HEPACAM: variants seen among roughly 807,000 people sequenced by gnomAD.
The protein encoded by HEPACAM is hepatocyte cell adhesion molecule.
In HEPACAM, 18 loss-of-function variants were observed where a neutral mutation model predicts 38.3. The observed-to-expected ratio is 0.47, with a 90% CI of 0.33 to 0.70. HEPACAM has a LOEUF of 0.70. Among genes scored for constraint, HEPACAM ranks in the 30% least tolerant of loss-of-function variants. HEPACAM has a pLI of 0.03. For missense variants in HEPACAM, 466 were observed against 563.0 expected (o/e 0.83, Z 1.74); for synonymous variants, 216 against 243.1 (o/e 0.89, Z 1.04).
At chr11:124,926,569 C>T (rs1010504711) in intron 1 of HEPACAM, among the ~76,000 whole-genome samples, 5 of 152,144 alleles carry the variant, frequency 3.3e-5, no homozygotes, top group African/African-American at 1.2e-4. Flanking sequence ...AGCAATCCAA[C>T]CACCCGAAGG....
At chr11:124,925,282 G>A (rs567097056) in intron 1 of HEPACAM, among the ~76,000 whole-genome samples, 4 of 152,314 alleles carry the variant, frequency 2.6e-5, no homozygotes, top group African/African-American at 9.6e-5. Context: ...CCATCTCATG[G>A]CCTTCAATGC....
At position 124,921,021 on chromosome 11, in the gene HEPACAM, GC is replaced by G. The variant is rs886047930; in HGVS notation, c.*116del. The G allele has an allele frequency of 3.4e-5, 48 of 1,395,880 alleles. No homozygotes were observed. The Admixed American group carries it at 4.8e-4, about 14-fold the overall frequency. The allele number at this position is 1,395,880 out of a possible 1,614,324, so 86.5% of individuals were successfully genotyped here. On this transcript the variant is annotated 3_prime_UTR_variant, in exon 7 of 7. Coordinates refer to ENST00000298251, the MANE Select transcript of HEPACAM (RefSeq NM_152722.5). This position sits in a 1 kb window ranked among gnomAD's most constrained non-coding sequence, Gnocchi z 4.6. ...ACACGTTCACACCCGAGACACCAGC[GC>G]CCCCCCGGGACCTCCCCTCGTCCCC...
At position 124,924,809 on chromosome 11, in the gene HEPACAM, C is replaced by T. The variant is rs201691514; in HGVS notation, c.346G>A (p.Asp116Asn). The change falls in exon 2 of 7, where the codon GAT (aspartate) becomes AAT (asparagine). Residue 116 changes from aspartate (D) to asparagine (N), a missense_variant. Coordinates refer to ENST00000298251, the MANE Select transcript of HEPACAM (RefSeq NM_152722.5). This position sits in a 1 kb window ranked among gnomAD's most constrained non-coding sequence, Gnocchi z 4.4. Reference sequence around the variant, plus strand: ...ATCTCGACCTCATAGGTGCCCTCATCGGCCAGCTGCAGGTCGCTGAGAAGC... The same window carrying T: ...ATCTCGACCTCATAGGTGCCCTCATTGGCCAGCTGCAGGTCGCTGAGAAGC... ...SLLLSDLQLA[D>N]EGTYEVEISI... The T allele has an allele frequency of 1.2e-6, 2 of 1,614,122 alleles. No individual in the cohort carries two copies. The highest frequency in any genetic ancestry group is 1.7e-6 in the Non-Finnish European group (2 of 1,180,024).
At chr11:124,922,494 T>G (rs1591547813) in intron 5 of HEPACAM, 36 bp from the exon 6 acceptor site, 1 of 1,609,716 alleles carries the variant, frequency 6.2e-7, no homozygotes, top group Non-Finnish European at 8.5e-7. Context: ...CTGGCCCAGG[T>G]ACAGACTCTC....
Position 124,927,025 on chromosome 11 carries a change from C to T in HEPACAM, c.86-1956G>A, listed in dbSNP as rs1014588793. Among the ~76,000 whole-genome samples the T allele has an allele frequency of 8.5e-5, 13 of 152,182 alleles. No individual in the cohort carries two copies. In the East Asian group the frequency reaches 9.7e-4, roughly 11 times the overall value. On this transcript the variant is annotated intron_variant, in intron 1 of 6. Transcript: ENST00000298251. Reference sequence around the variant, plus strand: ...CTGAGATTACAGGCGCCCGCCACCACGCCCGGCCAATTTTTTTGTATTTTT... The same window carrying T: ...CTGAGATTACAGGCGCCCGCCACCATGCCCGGCCAATTTTTTTGTATTTTT...
chr11:124,927,087 G>T (rs1201499476), intron 1 of HEPACAM, among the ~76,000 whole-genome samples: 1 of 152,102 alleles, frequency 6.6e-6, no homozygotes, highest in Non-Finnish European at 1.5e-5. Context: ...AGCCAGGATG[G>T]TGTCAATCTC....
chr11:124,932,294 A>G (rs1947289510), intron 1 of HEPACAM, among the ~76,000 whole-genome samples: 1 of 152,216 alleles, frequency 6.6e-6, no homozygotes, highest in Admixed American at 6.5e-5. Flanking sequence ...GAACCCAGGT[A>G]AGAGACTTGT....
At position 124,923,937 on chromosome 11, in the gene HEPACAM, G is replaced by A. The variant is rs1313406409; in HGVS notation, c.501C>T (p.Asn167=). Residue 167 remains asparagine, a synonymous_variant, in exon 3 of 7, where the codon AAC becomes AAT. Transcript: ENST00000298251. The stretch of plus-strand genomic sequence containing the variant: ...GCTTGGTGCCATTCTCATGTGAGCA[G>A]TTCAAGGTGAAGGCCTCGCTGAGCT... ...VLELSEAFTL[N]CSHENGTKPS... 3.1e-6 allele frequency: 5 copies of A among 1,612,884 alleles called. No individual in the cohort carries two copies. Among genetic ancestry groups the A allele is most frequent in the African/African-American group, 2.7e-5 (2 of 74,934 alleles).
chr11:124,927,998 A>C (rs1401851735), intron 1 of HEPACAM, among the ~76,000 whole-genome samples: 1 of 152,196 alleles, frequency 6.6e-6, no homozygotes, highest in African/African-American at 2.4e-5. Flanking sequence ...CAAAAATCTT[A>C]ATTTGGGGCA....
chr11:124,924,571 C>G lies in HEPACAM; in HGVS notation c.427+157G>C. The G allele has an allele frequency of 1.3e-6, 1 of 760,912 alleles. No individual in the cohort carries two copies. Among genetic ancestry groups the G allele is most frequent in the Non-Finnish European group, 2.4e-6 (1 of 417,440 alleles). 47.1% of individuals were successfully genotyped at this position (760,912 alleles called of 1,614,324 possible). A position where few individuals can be genotyped will look rare whatever the true frequency, so the allele number is the denominator to read the frequency against. On this transcript the variant is annotated intron_variant, in intron 2 of 6. Transcript: ENST00000298251. This position sits in a 1 kb window ranked among gnomAD's most constrained non-coding sequence, Gnocchi z 4.4. ...GCAATCACTCTACATGTTAGCTGTG[C>G]TGTGCCTGTCTGCCAACTTCTAATG...
chr11:124,935,910 C>T lies in HEPACAM; in HGVS notation c.85+12G>A. ...CTTTCTTCAGACCCTTTCTTACCCT[C>T]TGGCCTCCTACCTGTCTGGATCAGA... On this transcript the variant is annotated intron_variant, in intron 1 of 6. Transcript: ENST00000298251. 1 of 1,613,368 alleles carries T rather than the reference C, an allele frequency of 6.2e-7. No individual in the cohort carries two copies. Among genetic ancestry groups the T allele is most frequent in the Non-Finnish European group, 8.5e-7 (1 of 1,179,350 alleles).
intron 1 of HEPACAM, among the ~76,000 whole-genome samples, chr11:124,933,970 C>T (rs1054316999): frequency 6.6e-6 from 1 of 152,088 alleles, no homozygotes; most frequent in Non-Finnish European, 1.5e-5. Context: ...CATTTTCATC[C>T]CACGTTTTTC....
Position 124,922,812 on chromosome 11 carries a change from C to G in HEPACAM, c.810G>C (p.Gln270His). Residue 270 changes from glutamine (Q) to histidine (H), a missense_variant, in exon 5 of 7, where the codon CAG becomes CAC. Physicochemically the swap from Gln to His is conservative, Grantham distance 24 (BLOSUM62 0). Coordinates refer to ENST00000298251, the MANE Select transcript of HEPACAM (RefSeq NM_152722.5). ...GGGAGTTTTGCTTTTCTAGCTTCTT[C>G]TGTTTCCTGTGAATCAATTCAGCCC... ...CACWKPSKRK[Q>H]KKLEKQNSLE... 6.2e-7 allele frequency: 1 copy of G among 1,614,196 alleles called. No individual in the cohort carries two copies. The highest frequency in any genetic ancestry group is 8.5e-7 in the Non-Finnish European group (1 of 1,180,020).
intron 1 of HEPACAM, among the ~76,000 whole-genome samples, chr11:124,931,703 A>G (rs1237907660): frequency 1.3e-5 from 2 of 152,214 alleles, no homozygotes; most frequent in Non-Finnish European, 2.9e-5. Flanking sequence ...TAATTAAGCA[A>G]TTCTACTCCT....
At chr11:124,925,233 T>C (rs756156537) in intron 1 of HEPACAM, among the ~76,000 whole-genome samples, 164 bp from the exon 2 acceptor site, 21 of 152,348 alleles carry the variant, frequency 1.4e-4, no homozygotes, top group Non-Finnish European at 2.4e-4. Flanking sequence ...TCCCCCACAG[T>C]AGCTCTGTGC....
At chr11:124,935,495 C>T (rs1278477868) in intron 1 of HEPACAM, among the ~76,000 whole-genome samples, 3 of 152,158 alleles carry the variant, frequency 2.0e-5, no homozygotes, top group Non-Finnish European at 2.9e-5. Flanking sequence ...CTTCTTTCAT[C>T]TGCCTTACTC....
Position 124,926,253 on chromosome 11 carries a change from C to A in HEPACAM, c.86-1184G>T, listed in dbSNP as rs140677660. Among the ~76,000 whole-genome samples the A allele has an allele frequency of 2.5e-4, 38 of 152,254 alleles. No individual in the cohort carries two copies. The East Asian group carries it at 6.7e-3, about 27-fold the overall frequency. ...AACAGCAACTGCCTTATCAAGTTCA[C>A]AGGATTGGAAAGTACAATATGCATA... On this transcript the variant is annotated intron_variant, in intron 1 of 6. Transcript: ENST00000298251.
Position 124,920,503 on chromosome 11 carries a change from C to A in HEPACAM, c.*635G>T. 1 of 1,488,694 alleles carries A rather than the reference C, an allele frequency of 6.7e-7. No individual in the cohort carries two copies. The highest frequency in any genetic ancestry group is 1.2e-5 in the South Asian group (1 of 80,034). The allele number at this position is 1,488,694 out of a possible 1,614,324, so 92.2% of individuals were successfully genotyped here. On this transcript the variant is annotated 3_prime_UTR_variant, in exon 7 of 7. Transcript: ENST00000298251. The stretch of plus-strand genomic sequence containing the variant: ...CAGAGGGAAAAGGAATGTACTCGTA[C>A]CCTTCCCTCACCACCTTGTAGGTCC...
chr11:124,930,425 C>G (rs1014439451), intron 1 of HEPACAM, among the ~76,000 whole-genome samples: 4 of 152,118 alleles, frequency 2.6e-5, no homozygotes, highest in Admixed American at 2.0e-4. Flanking sequence ...GAAACAGAAG[C>G]TGTGAAGAAG....
Sources: gnomAD v4.1 joint callset for allele counts (sites outside exome capture counted in the v4.1 genomes callset) on GRCh38, gnomAD v4.1.1 for gene constraint, Gnocchi (gnomAD v3.1) non-coding constraint, MANE v1.5 for transcripts, NCBI Gene and HGNC (gene_info 2026-07-23, HGNC 2026-07-21) for gene names.